Variants in SEPTIN3 observed in about 807,000 individuals in gnomAD.
The protein encoded by SEPTIN3 is septin 3, also known as neuronal-specific septin-3.
In SEPTIN3, 15 loss-of-function variants were observed where a neutral mutation model predicts 45.1. That is an observed-to-expected ratio of 0.33 (90% CI 0.22 to 0.51). SEPTIN3 has a LOEUF of 0.51. Ranked by LOEUF, SEPTIN3 falls within the 20% of genes least tolerant of loss-of-function variation. The pLI is 0.97. For missense variants in SEPTIN3, 289 were observed against 457.2 expected (o/e 0.63, Z 3.35); for synonymous variants, 148 against 164.8 (o/e 0.90, Z 0.78).
At chr22:41,993,544 T>TG (rs1569441232) in intron 9 of SEPTIN3, among the ~76,000 whole-genome samples, 1 of 152,178 alleles carries the variant, frequency 6.6e-6, no homozygotes, top group Non-Finnish European at 1.5e-5. Context: ...TTCGTAGAGA[T>TG]GGAGTTTTGT....
Position 41,971,926 on chromosome 22 carries a change from G to A in SEPTIN3, c.434G>A (p.Gly145Glu). The A allele has an allele frequency of 7.5e-6, 3 of 399,178 alleles. No individual in the cohort carries two copies. Among genetic ancestry groups the A allele is most frequent in the Non-Finnish European group, 8.8e-6 (2 of 226,174 alleles). 24.7% of individuals were successfully genotyped at this position (399,178 alleles called of 1,614,324 possible). A position where few individuals can be genotyped will look rare whatever the true frequency, so the allele number is the denominator to read the frequency against. The change falls in exon 2 of 12, where the codon GGG becomes GAG. Residue 145 changes from glycine (G) to glutamate (E), a missense_variant. Physicochemically the swap from Gly to Glu is moderately conservative, Grantham distance 98 (BLOSUM62 -2). Transcript: ENST00000644076. ...PGKKAAPHEGGRVSSPGSPPV... is the reference protein window; with the variant it reads ...PGKKAAPHEGERVSSPGSPPV... The stretch of plus-strand genomic sequence containing the variant: ...AAGAAGGCTGCTCCCCATGAAGGAG[G>A]GAGGGTGTCCTCGCCAGGCTCGCCA...
chr22:41,987,386 C>T (rs977497054), intron 5 of SEPTIN3, 99 bp downstream of exon 5: 3 of 1,221,002 alleles, frequency 2.5e-6, no homozygotes, highest in African/African-American at 1.5e-5. Flanking sequence ...CTGCACCCTC[C>T]ATGCTCTGTA....
intron 2 of SEPTIN3, among the ~76,000 whole-genome samples, chr22:41,978,362 G>T (rs931068361): frequency 1.3e-5 from 2 of 152,208 alleles, no homozygotes; most frequent in African/African-American, 2.4e-5. Context: ...CCCTAAAGAA[G>T]GGTGAGAACT....
intron 6 of SEPTIN3, among the ~76,000 whole-genome samples, chr22:41,988,524 C>T (rs2078246699): frequency 6.6e-6 from 1 of 152,112 alleles, no homozygotes; most frequent in African/African-American, 2.4e-5. Context: ...TTTCTAGGAA[C>T]CAGGCAGTGA....
At chr22:41,996,556 C>G (rs710194) in intron 11 of SEPTIN3, 818,699 of 1,052,672 alleles carry the variant, frequency 0.78, 318,944 homozygotes, top group East Asian at 0.9. Context: ...CCAACCTATG[C>G]TCTCGGTCTT....
At chr22:41,996,075 C>A in intron 11 of SEPTIN3, 1 of 985,376 alleles carries the variant, frequency 1.0e-6, no homozygotes, top group Non-Finnish European at 1.2e-6. Context: ...TATTCCCCAT[C>A]ACTTTTGTGC....
At chr22:41,973,126 TG>T in intron 2 of SEPTIN3, 130 bp downstream of exon 2, 1 of 396,916 alleles carries the variant, frequency 2.5e-6, no homozygotes, top group Non-Finnish European at 4.4e-6. Flanking sequence ...TTGAATGGGT[TG>T]GGAGAAAAGG....
At chr22:41,979,952 G>A (rs570839783) in intron 2 of SEPTIN3, among the ~76,000 whole-genome samples, 3 of 152,180 alleles carry the variant, frequency 2.0e-5, no homozygotes, top group African/African-American at 4.8e-5. Context: ...ATTCTAGAAC[G>A]GCAGAGCTGG....
chr22:41,973,311 CAGG>C (rs1398319971), intron 2 of SEPTIN3, among the ~76,000 whole-genome samples: 1 of 151,782 alleles, frequency 6.6e-6, no homozygotes, highest in Non-Finnish European at 1.5e-5. Context: ...TGCTTGAGTG[CAGG>C]AGTTCAAGAC....
chr22:41,989,721 C>T, intron 7 of SEPTIN3, 37 bp downstream of exon 7: 1 of 1,344,486 alleles, frequency 7.4e-7, no homozygotes, highest in African/African-American at 1.4e-5. Context: ...CTGTTCCCAT[C>T]CCCTCCTTTC....
At position 41,996,897 on chromosome 22, in the gene SEPTIN3, T is replaced by C; in HGVS notation, c.2506-5T>C. 6.2e-7 allele frequency: 1 copy of C among 1,613,956 alleles called. No homozygotes were observed. The highest frequency in any genetic ancestry group is 8.5e-7 in the Non-Finnish European group (1 of 1,179,858). ...CACCCTCAACCGTTCTCAACCCCCC[T>C]GCAGGGAGAAGGCCTCCTGGGCACT... On this transcript the variant is annotated splice_polypyrimidine_tract_variant and splice_region_variant and intron_variant, in intron 11 of 11. Transcript: ENST00000644076.
chr22:41,991,911 C>G (rs1256444093), intron 8 of SEPTIN3, among the ~76,000 whole-genome samples: 2 of 152,130 alleles, frequency 1.3e-5, no homozygotes, highest in Non-Finnish European at 2.9e-5. Context: ...TTTTCCCCAA[C>G]AAGGTCTGGC....
In SEPTIN3 at chr22:41,982,083, C is replaced by T. The variant is rs193136308; in HGVS notation, c.1696+247C>T. Reference sequence around the variant, plus strand: ...ACCAGCTCGGTGTACACAGGCAGCCCCTTCACCACTCTGATCCTGCTTTTG... The same window carrying T: ...ACCAGCTCGGTGTACACAGGCAGCCTCTTCACCACTCTGATCCTGCTTTTG... On this transcript the variant is annotated intron_variant, in intron 3 of 11. Transcript: ENST00000644076. 2,981 of 524,470 alleles carry T rather than the reference C, an allele frequency of 5.7e-3. 50 individuals carry two copies. Among genetic ancestry groups the T allele is most frequent in the Non-Finnish European group, 3.8e-3 (1,117 of 292,470 alleles). 32.5% of individuals were successfully genotyped at this position (524,470 alleles called of 1,614,324 possible).
At chr22:41,984,170 G>T (rs911782923) in intron 3 of SEPTIN3, among the ~76,000 whole-genome samples, 11 of 152,092 alleles carry the variant, frequency 7.2e-5, no homozygotes, top group Non-Finnish European at 1.2e-4. Flanking sequence ...ACCATCCCTG[G>T]TCTTGTCCAA....
In SEPTIN3 at chr22:41,987,661, G is replaced by T; in HGVS notation, c.1947G>T (p.Glu649Asp). The change falls in exon 6 of 12, where the codon GAG becomes GAT. Residue 649 changes from glutamate (E) to aspartate (D), a missense_variant. Physicochemically the swap from Glu to Asp is conservative, Grantham distance 45 (BLOSUM62 2). This residue lies in a region of SEPTIN3 where 200 missense variants were observed against 315.1 expected (regional missense o/e 0.63). Transcript: ENST00000644076. ...PIEKYINEQY[E>D]KFLKEEVNIA... ...AGAAGTACATCAATGAGCAGTACGA[G>T]AAGTTCCTGAAGGAGGAGGTCAACA... is the stretch of plus-strand genomic sequence containing the variant. 6.2e-7 allele frequency: 1 copy of T among 1,614,068 alleles called. No individual in the cohort carries two copies. Among genetic ancestry groups the T allele is most frequent in the East Asian group, 2.2e-5 (1 of 44,886 alleles).
intron 3 of SEPTIN3, 164 bp from the exon 4 acceptor site, chr22:41,985,820 C>A (rs2078197003): frequency 1.4e-6 from 1 of 733,934 alleles, no homozygotes; most frequent in Non-Finnish European, 2.1e-6. Context: ...GGAAGCCATT[C>A]CCACCTGCCT....
chr22:41,977,217 G>A (rs1372307298), intron 2 of SEPTIN3: 1 of 744,394 alleles, frequency 1.3e-6, no homozygotes. Flanking sequence ...CGCACACACG[G>A]TGGCACCCAC....
At chr22:41,993,324 TC>T (rs1163953607) in intron 9 of SEPTIN3, among the ~76,000 whole-genome samples, 1 of 149,532 alleles carries the variant, frequency 6.7e-6, no homozygotes, top group Non-Finnish European at 1.5e-5. Flanking sequence ...GATTTCAGAC[TC>T]AGATTTTTTT....
At chr22:41,996,872 C>T (rs750393594) in intron 11 of SEPTIN3, 30 bp from the exon 12 acceptor site, 1 of 1,612,702 alleles carries the variant, frequency 6.2e-7, no homozygotes, top group Non-Finnish European at 8.5e-7. Flanking sequence ...CTGGTCTCCA[C>T]ACCCTCAACC....
Sources: gnomAD v4.1 joint callset for allele counts (sites outside exome capture counted in the v4.1 genomes callset) on GRCh38, gnomAD v4.1.1 for gene constraint, gnomAD v4.1.1 regional missense constraint, MANE v1.5 for transcripts, NCBI Gene and HGNC (gene_info 2026-07-23, HGNC 2026-07-21) for gene names.